The following TRPC6 variants were observed in gnomAD, a reference collection of about 807,000 sequenced individuals.
TRPC6 encodes the protein short transient receptor potential channel 6.
In TRPC6, 55 loss-of-function variants were observed where a neutral mutation model predicts 90.7. The ratio of observed to expected loss-of-function variants is 0.61; its 90% CI spans 0.49 to 0.76. The LOEUF (loss-of-function observed/expected upper bound fraction) is 0.76, where lower values mean the gene tolerates loss of function less well. Ranked by LOEUF, TRPC6 falls within the 30% of genes least tolerant of loss-of-function variation. The pLI is 0.00. For missense variants in TRPC6, 989 were observed against 1,122.7 expected, an observed-to-expected ratio of 0.88 and a Z score of 1.70; for synonymous variants, 393 against 393.0, an observed-to-expected ratio of 1.00 and a Z score of 0.00.
At position 101,464,082 on chromosome 11, in the gene TRPC6, G is replaced by A. The variant is rs553175171; in HGVS notation, c.2484+5345C>T. Among the ~76,000 whole-genome samples the A allele has an allele frequency of 8.5e-5, 13 of 152,288 alleles. 1 individual carries two copies. In the South Asian group the frequency reaches 2.7e-3, roughly 32 times the overall value. On this transcript the variant is annotated intron_variant, in intron 10 of 12. Transcript: ENST00000344327. The stretch of plus-strand genomic sequence containing the variant: ...TTGTTTACCCAGTAGTCATTCAGGA[G>A]CAGGTTGTTCAGTTTCTATGTAGTT...
chr11:101,534,378 G>A (rs763038752), intron 1 of TRPC6, among the ~76,000 whole-genome samples: 5 of 151,916 alleles, frequency 3.3e-5, no homozygotes, highest in Non-Finnish European at 7.4e-5. Context: ...TCAGATGATC[G>A]ACCCACCTCA....
intron 5 of TRPC6, among the ~76,000 whole-genome samples, chr11:101,480,270 A>G (rs1859521798): frequency 6.6e-6 from 1 of 152,184 alleles, no homozygotes; most frequent in Non-Finnish European, 1.5e-5. Flanking sequence ...TATATAAAAT[A>G]TAACTCACTG....
At chr11:101,491,417 G>A (rs1384223751) in intron 3 of TRPC6, 139 bp downstream of exon 3, 5 of 1,124,492 alleles carry the variant, frequency 4.4e-6, no homozygotes, top group Non-Finnish European at 5.0e-6. Context: ...CTGGGCGACA[G>A]AGCGAGACTC....
chr11:101,489,531 G>A (rs1049812695), intron 3 of TRPC6, among the ~76,000 whole-genome samples: 11 of 151,828 alleles, frequency 7.2e-5, no homozygotes, highest in Non-Finnish European at 1.2e-4. Flanking sequence ...CTAAATTCCC[G>A]TTTGTATATG....
At chr11:101,551,842 T>C (rs1861457411) in intron 1 of TRPC6, among the ~76,000 whole-genome samples, 1 of 152,072 alleles carries the variant, frequency 6.6e-6, no homozygotes, top group East Asian at 1.9e-4. Flanking sequence ...CTGTCATGGT[T>C]ATTGCTCATT....
At chr11:101,528,550 T>C (rs1474728889) in intron 1 of TRPC6, among the ~76,000 whole-genome samples, 1 of 152,226 alleles carries the variant, frequency 6.6e-6, no homozygotes, top group Non-Finnish European at 1.5e-5. Context: ...ACACATTATA[T>C]AGAGTTGCAC....
At chr11:101,481,567 A>G (rs183689362) in intron 5 of TRPC6, among the ~76,000 whole-genome samples, 45 of 152,190 alleles carry the variant, frequency 3.0e-4, no homozygotes, top group Non-Finnish European at 5.1e-4. Context: ...TCCCTCTTAG[A>G]GACTGTAGTC....
rs768887934 is a variant in TRPC6, at chr11:101,473,540, T to C, written c.1978A>G (p.Ile660Val). ...AAGGCTTCATTTTGTTTTGCACCAA[T>C]GTAGTAGGAGTAGAGATTGAACATT... ...IGMFNLYSYY[I>V]GAKQNEAFTT... Residue 660 changes from isoleucine (I) to valine (V), a missense_variant, in exon 7 of 13, where the codon ATT becomes GTT. Physicochemically the swap from Ile to Val is conservative, Grantham distance 29 (BLOSUM62 3). Coordinates refer to ENST00000344327, the MANE Select transcript of TRPC6 (RefSeq NM_004621.6). 5.6e-6 allele frequency: 9 copies of C among 1,613,376 alleles called. No homozygotes were observed. The South Asian group carries it at 6.6e-5, about 12-fold the overall frequency.
intron 2 of TRPC6, among the ~76,000 whole-genome samples, chr11:101,496,585 A>G (rs1859955328): frequency 6.6e-6 from 1 of 152,244 alleles, no homozygotes; most frequent in African/African-American, 2.4e-5. Context: ...GATTGTTGCC[A>G]TCAGCAGTGG....
intron 1 of TRPC6, among the ~76,000 whole-genome samples, chr11:101,540,883 G>T (rs559497834): frequency 2.6e-5 from 4 of 152,196 alleles, no homozygotes; most frequent in African/African-American, 9.6e-5. Flanking sequence ...CAGGAATCGT[G>T]AGGATTAAAT....
intron 8 of TRPC6, among the ~76,000 whole-genome samples, 161 bp downstream of exon 8, chr11:101,471,976 A>G (rs1859302396): frequency 6.6e-6 from 1 of 152,194 alleles, no homozygotes; most frequent in South Asian, 2.1e-4. Flanking sequence ...ATTTGGAAGC[A>G]AAGAGTTAAA....
At chr11:101,567,078 G>A (rs183931080) in intron 1 of TRPC6, among the ~76,000 whole-genome samples, 10 of 142,970 alleles carry the variant, frequency 7.0e-5, no homozygotes, top group Non-Finnish European at 1.4e-4. Flanking sequence ...GGGTGGGGGG[G>A]GTCCAACCCC....
chr11:101,561,402 T>C (rs530910489), intron 1 of TRPC6, among the ~76,000 whole-genome samples: 46 of 152,310 alleles, frequency 3.0e-4, no homozygotes, highest in African/African-American at 9.9e-4. Flanking sequence ...ATAAGCACCC[T>C]TATAAATTGT....
chr11:101,583,119 A>G (rs1465292300), intron 1 of TRPC6: 2 of 970,652 alleles, frequency 2.1e-6, no homozygotes, highest in African/African-American at 1.8e-5. Flanking sequence ...CGTACCTACG[A>G]GGAGCAAACC....
At chr11:101,508,745 G>A (rs1007705372) in intron 1 of TRPC6, among the ~76,000 whole-genome samples, 1 of 152,066 alleles carries the variant, frequency 6.6e-6, no homozygotes, top group Non-Finnish European at 1.5e-5. Context: ...ATCTATAAAA[G>A]TAAGATGAAA....
intron 1 of TRPC6, among the ~76,000 whole-genome samples, chr11:101,552,959 C>T (rs1041617925): frequency 1.3e-5 from 2 of 152,010 alleles, no homozygotes; most frequent in African/African-American, 2.4e-5. Flanking sequence ...AATGTTTATT[C>T]TTTTATCAGA....
chr11:101,493,933 AC>A (rs2136712560), intron 2 of TRPC6, among the ~76,000 whole-genome samples: 1 of 152,316 alleles, frequency 6.6e-6, no homozygotes, highest in Admixed American at 6.5e-5. Context: ...CAGTTTAGTA[AC>A]TATTAAAGAG....
chr11:101,526,725 G>C (rs528858270), intron 1 of TRPC6, among the ~76,000 whole-genome samples: 2 of 151,380 alleles, frequency 1.3e-5, no homozygotes, highest in Non-Finnish European at 2.9e-5. Context: ...TTAGCTGGGC[G>C]TGGTGGCGGG....
At chr11:101,575,690 T>C (rs1043699285) in intron 1 of TRPC6, among the ~76,000 whole-genome samples, 1 of 152,128 alleles carries the variant, frequency 6.6e-6, no homozygotes, top group African/African-American at 2.4e-5. Flanking sequence ...AATGAATTAA[T>C]GAAAGAAGTG....
Sources: gnomAD v4.1 joint callset for allele counts (sites outside exome capture counted in the v4.1 genomes callset) on GRCh38, gnomAD v4.1.1 for gene constraint, MANE v1.5 for transcripts, NCBI Gene and HGNC (gene_info 2026-07-23, HGNC 2026-07-21) for gene names.